Variants in CWC27 observed in about 807,000 individuals in gnomAD.
CWC27 encodes the protein spliceosome-associated protein CWC27 homolog.
In CWC27, 47 loss-of-function variants were observed where a neutral mutation model predicts 63.6. That is an observed-to-expected ratio of 0.74 (90% CI 0.58 to 0.94). The LOEUF is 0.94. Ranked by LOEUF, CWC27 falls within the 40% of genes least tolerant of loss-of-function variation. The pLI, the probability that CWC27 is intolerant of heterozygous loss-of-function variation, is 0.00. For synonymous variants in CWC27, 175 were observed against 179.8 expected (o/e 0.97, Z 0.22); for missense variants, 495 against 554.3 (o/e 0.89, Z 1.07).
At chr5:64,905,200 CAAAA>C (rs71608574) in intron 11 of CWC27, among the ~76,000 whole-genome samples, 728 of 55,520 alleles carry the variant, frequency 0.013, 5 homozygotes, top group African/African-American at 0.035. Context: ...CACTACATCT[CAAAA>C]AAAAAAAAAA....
intron 11 of CWC27, among the ~76,000 whole-genome samples, chr5:64,899,134 C>T (rs990548239): frequency 3.3e-5 from 5 of 152,050 alleles, no homozygotes; most frequent in Non-Finnish European, 5.9e-5. Context: ...TGACTGAATT[C>T]AGGGAGAAAA....
At chr5:64,802,828 C>G (rs1744534349) in intron 9 of CWC27, among the ~76,000 whole-genome samples, 2 of 152,068 alleles carry the variant, frequency 1.3e-5, no homozygotes, top group Admixed American at 1.3e-4. Context: ...TAATATGGGT[C>G]TAGAAGTTAG....
chr5:64,801,243 A>G lies in CWC27; in HGVS notation c.750-59A>G, dbSNP rs549603600. The G allele has an allele frequency of 1.1e-5, 15 of 1,346,630 alleles. No homozygotes were observed. The South Asian group carries it at 1.2e-4, about 11-fold the overall frequency. 83.4% of individuals were successfully genotyped at this position (1,346,630 alleles called of 1,614,324 possible). A position where few individuals can be genotyped will look rare whatever the true frequency, so the allele number is the denominator to read the frequency against. ...AACTATTCTAGATTTTTGGGTTACA[A>G]AATAATTGTGTTAGTTTTACCTTGA... is the stretch of plus-strand genomic sequence containing the variant. On this transcript the variant is annotated intron_variant, in intron 8 of 13. Coordinates refer to ENST00000381070, the MANE Select transcript of CWC27 (RefSeq NM_005869.4).
intron 11 of CWC27, among the ~76,000 whole-genome samples, chr5:64,956,714 A>G (rs1239440502): frequency 3.3e-5 from 5 of 152,124 alleles, no homozygotes; most frequent in Non-Finnish European, 7.4e-5. Context: ...ACCTACCACC[A>G]TAACTGTTTG....
intron 11 of CWC27, among the ~76,000 whole-genome samples, chr5:64,955,636 C>A (rs528386868): frequency 1.3e-4 from 20 of 152,116 alleles, no homozygotes; most frequent in Non-Finnish European, 2.5e-4. Context: ...TGAGCTTTTC[C>A]CCTACCTTCA....
intron 10 of CWC27, among the ~76,000 whole-genome samples, chr5:64,816,768 G>C (rs927073770): frequency 6.6e-6 from 1 of 152,128 alleles, no homozygotes; most frequent in Non-Finnish European, 1.5e-5. Context: ...CCTGTGAATA[G>C]AGCAGGTTCT....
At chr5:65,007,342 T>C (rs1749865702) in intron 13 of CWC27, among the ~76,000 whole-genome samples, 2 of 152,128 alleles carry the variant, frequency 1.3e-5, no homozygotes, top group Non-Finnish European at 2.9e-5. Context: ...CAACTAAATG[T>C]AATATGGTAT....
At chr5:64,977,773 A>G (rs1323326824) in intron 13 of CWC27, among the ~76,000 whole-genome samples, 1 of 152,118 alleles carries the variant, frequency 6.6e-6, no homozygotes, top group Non-Finnish European at 1.5e-5. Context: ...AAGTAATGAC[A>G]TATACATATC....
intron 10 of CWC27, among the ~76,000 whole-genome samples, chr5:64,841,774 C>T (rs1745849751): frequency 6.6e-6 from 1 of 152,192 alleles, no homozygotes; most frequent in Non-Finnish European, 1.5e-5. Context: ...CTCCTGGATT[C>T]AGGCGATTCT....
chr5:64,945,163 C>T (rs966922553), intron 11 of CWC27, among the ~76,000 whole-genome samples: 4 of 152,116 alleles, frequency 2.6e-5, no homozygotes, highest in African/African-American at 9.7e-5. Context: ...CAAATGTCAC[C>T]TTCTCAATGA....
At chr5:64,984,573 C>T (rs139123246) in intron 13 of CWC27, among the ~76,000 whole-genome samples, 51 of 152,288 alleles carry the variant, frequency 3.3e-4, no homozygotes, top group Non-Finnish European at 5.0e-4. Context: ...TAATCTGTCC[C>T]GTACTTGCTT....
intron 11 of CWC27, among the ~76,000 whole-genome samples, chr5:64,927,367 A>C (rs1259563825): frequency 6.6e-6 from 1 of 151,964 alleles, no homozygotes; most frequent in Non-Finnish European, 1.5e-5. Context: ...TGTGCCAGGC[A>C]TTTTCCATGC....
intron 11 of CWC27, among the ~76,000 whole-genome samples, chr5:64,910,144 T>C (rs1283801026): frequency 6.6e-6 from 1 of 152,230 alleles, no homozygotes; most frequent in Non-Finnish European, 1.5e-5. Flanking sequence ...ACGTTGATGC[T>C]ATTCCTTTCT....
chr5:64,786,164 C>CAAAAA (rs1209111233), intron 5 of CWC27, among the ~76,000 whole-genome samples: 12 of 64,100 alleles, frequency 1.9e-4, no homozygotes, highest in East Asian at 1.2e-3. Flanking sequence ...GACTCCATCT[C>CAAAAA]AAAAAAAAAA....
At chr5:64,843,318 A>G (rs1297960553) in intron 10 of CWC27, among the ~76,000 whole-genome samples, 3 of 152,234 alleles carry the variant, frequency 2.0e-5, no homozygotes. Context: ...CCTTTCTTTG[A>G]CTTCCAGATT....
At chr5:64,983,236 T>C (rs913498764) in intron 13 of CWC27, among the ~76,000 whole-genome samples, 2 of 152,196 alleles carry the variant, frequency 1.3e-5, no homozygotes, top group African/African-American at 4.8e-5. Context: ...AAAAAAATTA[T>C]GCCTGCAAAA....
chr5:64,814,103 A>T (rs1021751651), intron 10 of CWC27, among the ~76,000 whole-genome samples: 1 of 151,232 alleles, frequency 6.6e-6, no homozygotes, highest in Admixed American at 6.6e-5. Flanking sequence ...TAGGTCATCA[A>T]CTATTATTAG....
chr5:65,008,381 A>AT, intron 13 of CWC27, among the ~76,000 whole-genome samples: 1 of 152,358 alleles, frequency 6.6e-6, no homozygotes, highest in East Asian at 1.9e-4. Flanking sequence ...ATAGATGCCT[A>AT]AGTATACAAC....
chr5:64,769,455 C>A (rs1237023915), intron 1 of CWC27, among the ~76,000 whole-genome samples: 1 of 152,192 alleles, frequency 6.6e-6, no homozygotes, highest in Non-Finnish European at 1.5e-5. Context: ...CAGCCGATTT[C>A]TGGGGTCTTA....
Sources: allele counts gnomAD v4.1 joint callset (sites outside exome capture counted in the v4.1 genomes callset), GRCh38; gene constraint gnomAD v4.1.1; transcripts MANE v1.5; gene names NCBI Gene and HGNC (gene_info 2026-07-23, HGNC 2026-07-21).